TRIP12: variants seen among roughly 807,000 people sequenced by gnomAD.
TRIP12 encodes thyroid hormone receptor interactor 12, also known as E3 ubiquitin-protein ligase TRIP12.
In TRIP12, 25 loss-of-function variants were observed where a neutral mutation model predicts 244.2. The observed-to-expected ratio is 0.10, with a 90% CI of 0.07 to 0.14. TRIP12 has a LOEUF of 0.14. Among genes scored for constraint, TRIP12 ranks in the 10% least tolerant of loss-of-function variants. The pLI, the probability that TRIP12 is intolerant of heterozygous loss-of-function variation, is 1.00. For missense variants in TRIP12, 1,677 were observed against 2,486.4 expected, an observed-to-expected ratio of 0.67 and a Z score of 6.92; for synonymous variants, 905 against 873.1, an observed-to-expected ratio of 1.04 and a Z score of -0.64.
At chr2:229,786,740 A>G (rs767155039) in intron 33 of TRIP12, among the ~76,000 whole-genome samples, 2 of 151,646 alleles carry the variant, frequency 1.3e-5, no homozygotes, top group Non-Finnish European at 2.9e-5. Flanking sequence ...TTTTAACTAC[A>G]ATGTTTGCTT....
At chr2:229,870,883 T>A (rs1165415499) in intron 2 of TRIP12, among the ~76,000 whole-genome samples, 3 of 152,074 alleles carry the variant, frequency 2.0e-5, no homozygotes, top group Non-Finnish European at 4.4e-5. Flanking sequence ...CTAGAAAACA[T>A]CCTAATCCGG....
rs73103507 is a variant in TRIP12 at position 229,896,673 on chromosome 2, A to G, written c.-49-16545T>C. On this transcript the variant is annotated intron_variant, in intron 1 of 41. Transcript: ENST00000675903. ...GGCAACAAATCAGAAAATAAAATGA[A>G]GTAAAACTCCATCTCTAGTTAAGAT... Among the ~76,000 whole-genome samples the G allele has an allele frequency of 5.3e-3, 803 of 152,338 alleles. 9 individuals carry two copies. The highest frequency in any genetic ancestry group is 0.019 in the African/African-American group (777 of 41,590).
At chr2:229,891,283 G>A (rs1296548085) in intron 1 of TRIP12, among the ~76,000 whole-genome samples, 5 of 151,988 alleles carry the variant, frequency 3.3e-5, no homozygotes, top group South Asian at 2.1e-4. Flanking sequence ...TTAGCCTGGC[G>A]TGGTGGTGGT....
intron 11 of TRIP12, among the ~76,000 whole-genome samples, chr2:229,814,789 T>C (rs1343432172): frequency 6.6e-6 from 1 of 152,342 alleles, no homozygotes. Flanking sequence ...CTCAGCTACA[T>C]AATGAGGGTA....
Position 229,815,073 on chromosome 2 carries a change from A to G in TRIP12, c.1731+26T>C, listed in dbSNP as rs1229938167. The G allele has an allele frequency of 2.5e-6, 4 of 1,573,516 alleles. No homozygotes were observed. In the East Asian group the frequency reaches 9.0e-5, roughly 35 times the overall value. ...ACTTGACTCCCTATGCCTGCTTTTGAACAAACGGGGTAAAAGTAGGATCAC... is the reference window on the plus strand; with the variant it reads ...ACTTGACTCCCTATGCCTGCTTTTGGACAAACGGGGTAAAAGTAGGATCAC... On this transcript the variant is annotated intron_variant, in intron 11 of 41. Coordinates refer to ENST00000675903, the MANE Select transcript of TRIP12 (RefSeq NM_001348323.3).
intron 6 of TRIP12, among the ~76,000 whole-genome samples, chr2:229,835,339 G>C (rs2054529890): frequency 2.0e-5 from 3 of 152,302 alleles, no homozygotes; most frequent in Admixed American, 1.3e-4. Flanking sequence ...GCAGTCGGAT[G>C]AGCCTGATTC....
intron 2 of TRIP12, 75 bp downstream of exon 2, chr2:229,879,907 G>T: frequency 6.6e-7 from 1 of 1,518,672 alleles, no homozygotes; most frequent in Non-Finnish European, 9.1e-7. Context: ...TTCAAGTTTT[G>T]GACCTCGCAA....
upstream of TRIP12, chr2:229,922,273 A>AC (rs1178995693): frequency 2.2e-5 from 12 of 534,262 alleles, no homozygotes; most frequent in Non-Finnish European, 4.0e-5. Flanking sequence ...CGCCGGGGTC[A>AC]CCCCCTCCCC....
intron 4 of TRIP12, among the ~76,000 whole-genome samples, chr2:229,855,603 T>A (rs1316526663): frequency 7.9e-5 from 7 of 88,692 alleles, no homozygotes; most frequent in African/African-American, 1.9e-4. Flanking sequence ...AACAAGGGTT[T>A]AAAAAAAAAA....
intron 1 of TRIP12, among the ~76,000 whole-genome samples, chr2:229,906,314 A>AG (rs112882208): frequency 3.3e-5 from 5 of 151,726 alleles, no homozygotes; most frequent in African/African-American, 7.2e-5. Flanking sequence ...AAAAAAAAAA[A>AG]AAAAGAAAAG....
chr2:229,845,353 G>T (rs2057359249), intron 4 of TRIP12, among the ~76,000 whole-genome samples: 1 of 152,190 alleles, frequency 6.6e-6, no homozygotes, highest in Non-Finnish European at 1.5e-5. Flanking sequence ...ACAAACGGCA[G>T]CCTGTGGAAC....
intron 16 of TRIP12, among the ~76,000 whole-genome samples, 165 bp from the exon 17 acceptor site, chr2:229,808,029 G>C (rs547189598): frequency 1.3e-5 from 2 of 151,882 alleles, no homozygotes; most frequent in Admixed American, 6.6e-5. Context: ...GCAGTGGCAC[G>C]ATCTCAGCTC....
At chr2:229,776,164 G>A (rs1025562164) in intron 37 of TRIP12, among the ~76,000 whole-genome samples, 6 of 152,012 alleles carry the variant, frequency 3.9e-5, no homozygotes, top group Non-Finnish European at 8.8e-5. Context: ...GTAAAATAGA[G>A]GTAACAACAA....
intron 1 of TRIP12, among the ~76,000 whole-genome samples, chr2:229,920,353 C>G (rs955565775): frequency 6.6e-6 from 1 of 152,122 alleles, no homozygotes; most frequent in African/African-American, 2.4e-5. Context: ...GCCCGGAGAT[C>G]GGGTGATCTG....
intron 1 of TRIP12, among the ~76,000 whole-genome samples, chr2:229,898,808 C>T (rs2069705124): frequency 6.6e-6 from 1 of 152,182 alleles, no homozygotes; most frequent in Non-Finnish European, 1.5e-5. Flanking sequence ...CATCCCACCT[C>T]AGCCTCCCCA....
intron 1 of TRIP12, among the ~76,000 whole-genome samples, chr2:229,883,230 C>T (rs2065238149): frequency 6.6e-6 from 1 of 152,186 alleles, no homozygotes; most frequent in Non-Finnish European, 1.5e-5. Context: ...CAGTTCTACA[C>T]ACTTCATAGG....
Position 229,859,131 on chromosome 2 carries a change from T to C in TRIP12, c.668A>G (p.Lys223Arg). 1 of 1,614,188 alleles carries C rather than the reference T, an allele frequency of 6.2e-7. No homozygotes were observed. Among genetic ancestry groups the C allele is most frequent in the Non-Finnish European group, 8.5e-7 (1 of 1,180,038 alleles). Residue 223 changes from lysine (K) to arginine (R), a missense_variant, in exon 4 of 42, where the codon AAA becomes AGA. Physicochemically the swap from Lys to Arg is conservative, Grantham distance 26 (BLOSUM62 2). Transcript: ENST00000675903. ...RSAKPTKLAS[K>R]SATSAKAGCS... ...CCCAGCTTTGGCTGAGGTGGCTGAT[T>C]TTGAAGCCAGCTTGGTAGGTTTCGC... is the stretch of plus-strand genomic sequence containing the variant.
chr2:229,788,941 C>T lies in TRIP12; in HGVS notation c.4696-1G>A. On this transcript the variant is annotated splice_acceptor_variant, in intron 31 of 41. Coordinates refer to ENST00000675903, the MANE Select transcript of TRIP12 (RefSeq NM_001348323.3). LOFTEE classifies it high-confidence loss of function. ...GAATAATTTCCTTGCACATTGCATT[C>T]TGTAAAATGTTTAAAAAAAAAAAAG... The T allele has an allele frequency of 6.3e-7, 1 of 1,588,706 alleles. No homozygotes were observed. The highest frequency in any genetic ancestry group is 1.2e-5 in the South Asian group (1 of 85,946).
intron 2 of TRIP12, among the ~76,000 whole-genome samples, chr2:229,865,817 C>T (rs1432755701): frequency 6.6e-6 from 1 of 152,162 alleles, no homozygotes; most frequent in Non-Finnish European, 1.5e-5. Context: ...CACTAATGTT[C>T]CCTGTAAAAC....
Sources: allele counts gnomAD v4.1 joint callset (sites outside exome capture counted in the v4.1 genomes callset), GRCh38; gene constraint gnomAD v4.1.1; transcripts MANE v1.5; gene names NCBI Gene and HGNC (gene_info 2026-07-23, HGNC 2026-07-21).